The following CACNA1A variants were observed in gnomAD, a reference collection of about 807,000 sequenced individuals.
CACNA1A encodes the protein voltage-dependent P/Q-type calcium channel subunit alpha-1A.
Under a neutral mutation model 262.4 loss-of-function variants are expected in CACNA1A, and 57 were observed. The ratio of observed to expected loss-of-function variants is 0.22; its 90% CI spans 0.18 to 0.27. CACNA1A has a LOEUF of 0.27. Ranked by LOEUF, CACNA1A falls within the 10% of genes least tolerant of loss-of-function variation. CACNA1A has a pLI of 1.00. For missense variants in CACNA1A, 2,526 were observed against 3,562.8 expected, an observed-to-expected ratio of 0.71 and a Z score of 7.41; for synonymous variants, 1,431 against 1,419.3, an observed-to-expected ratio of 1.01 and a Z score of -0.18.
intron 4 of CACNA1A, chr19:13,371,421 G>A (rs1267905855): frequency 2.3e-6 from 1 of 433,692 alleles, no homozygotes; most frequent in Non-Finnish European, 4.2e-6. Flanking sequence ...TGTGAGTACT[G>A]AATGAGATCA....
rs1600079735 is a variant in CACNA1A at position 13,208,895 on chromosome 19, T to C, written c.6641A>G (p.His2214Arg). ...GGGCGGGGGATGGTGGTGGTGGTGG[T>C]GGTGGTGGTGGTGCTGTCGATGCTT... is the stretch of plus-strand genomic sequence containing the variant. The part of the protein sequence containing the change: ...DRKHRQHHHH[H>R]HHHHHPPPPD... The change falls in exon 46 of 47, where the codon CAC becomes CGC. Residue 2214 changes from histidine (H) to arginine (R), a missense_variant. This residue lies in a region of CACNA1A where 929 missense variants were observed against 868.1 expected (regional missense o/e 1.07). Transcript: ENST00000360228. 6.8e-7 allele frequency: 1 copy of C among 1,470,480 alleles called. No homozygotes were observed. The highest frequency in any genetic ancestry group is 2.0e-5 in the Admixed American group (1 of 50,250). 91.1% of individuals were successfully genotyped at this position (1,470,480 alleles called of 1,614,324 possible). A position where few individuals can be genotyped will look rare whatever the true frequency, so the allele number is the denominator to read the frequency against.
At chr19:13,270,861 C>G (rs1324106254) in intron 24 of CACNA1A, among the ~76,000 whole-genome samples, 1 of 152,208 alleles carries the variant, frequency 6.6e-6, no homozygotes, top group African/African-American at 2.4e-5. Flanking sequence ...TTCCAAAACC[C>G]TGGGAGAGTC....
intron 3 of CACNA1A, among the ~76,000 whole-genome samples, chr19:13,373,756 G>C (rs1008912566): frequency 6.6e-6 from 1 of 152,214 alleles, no homozygotes; most frequent in Non-Finnish European, 1.5e-5. Context: ...ATTACCCCTA[G>C]AGGAGAGATG....
intron 3 of CACNA1A, among the ~76,000 whole-genome samples, chr19:13,446,066 G>T (rs370694321): frequency 6.6e-6 from 1 of 151,952 alleles, no homozygotes; most frequent in Non-Finnish European, 1.5e-5. Flanking sequence ...CCTGAGGTCC[G>T]GAGTTCGAGA....
Position 13,207,622 on chromosome 19 carries a change from G to A in CACNA1A, c.7212C>T (p.Pro2404=). The A allele has an allele frequency of 2.0e-6, 3 of 1,479,878 alleles. No individual in the cohort carries two copies. Among genetic ancestry groups the A allele is most frequent in the Non-Finnish European group, 2.7e-6 (3 of 1,115,680 alleles). 91.7% of individuals were successfully genotyped at this position (1,479,878 alleles called of 1,614,324 possible). A position where few individuals can be genotyped will look rare whatever the true frequency, so the allele number is the denominator to read the frequency against. Residue 2404 remains proline (P), a synonymous_variant, in exon 47 of 47, where the codon CCC becomes CCT. Transcript: ENST00000360228. The surrounding 1 kb of genome is among the most constrained non-coding windows in gnomAD (Gnocchi z 5.7). ...GPHVSEGPPG[P]RHHGYYRGSD... is the part of the protein sequence containing the mutation. ...AGCCCCGGTAGTAGCCATGGTGCCG[G>A]GGACCCGGGGGCCCCTCGGACACGT...
intron 38 of CACNA1A, among the ~76,000 whole-genome samples, chr19:13,223,127 C>T (rs1398795539): frequency 1.3e-5 from 2 of 152,240 alleles, no homozygotes; most frequent in East Asian, 3.9e-4. Flanking sequence ...TGGCTTCAAG[C>T]AATACTCTCA....
chr19:13,506,251 T>C lies in CACNA1A; in HGVS notation c.-27A>G, dbSNP rs761508895. 215 of 1,418,028 alleles carry C rather than the reference T, an allele frequency of 1.5e-4. No homozygotes were observed. The highest frequency in any genetic ancestry group is 4.5e-5 in the Non-Finnish European group (49 of 1,098,306). 87.8% of individuals were successfully genotyped at this position (1,418,028 alleles called of 1,614,324 possible). A position where few individuals can be genotyped will look rare whatever the true frequency, so the allele number is the denominator to read the frequency against. ...CTGCAAAGAGCAAAGGGCTCCGGGT[T>C]ACGCTGCGGCGAACGATGCGGAAGA... On this transcript the variant is annotated 5_prime_UTR_variant, in exon 1 of 47. Coordinates refer to ENST00000360228, the MANE Select transcript of CACNA1A (RefSeq NM_001127222.2).
Position 13,241,264 on chromosome 19 carries a change from CT to C in CACNA1A, c.4950+3917del, listed in dbSNP as rs765494839. Among the ~76,000 whole-genome samples, 43 of 152,062 alleles carry C rather than the reference CT, an allele frequency of 2.8e-4. No individual in the cohort carries two copies. The highest frequency in any genetic ancestry group is 5.3e-4 in the Non-Finnish European group (36 of 68,026). Reference sequence around the variant, plus strand: ...GCGCTGGGAAAACCCATCCCTTTCTCTGCAAAAGACGCAAACCACCCCAAAC... The same window carrying C: ...GCGCTGGGAAAACCCATCCCTTTCTCGCAAAAGACGCAAACCACCCCAAAC... On this transcript the variant is annotated intron_variant, in intron 31 of 46. Coordinates refer to ENST00000360228, the MANE Select transcript of CACNA1A (RefSeq NM_001127222.2). The surrounding 1 kb of genome is among the most constrained non-coding windows in gnomAD (Gnocchi z 4.0).
chr19:13,237,944 C>T (rs1410310834), intron 31 of CACNA1A, among the ~76,000 whole-genome samples: 1 of 152,188 alleles, frequency 6.6e-6, no homozygotes, highest in Non-Finnish European at 1.5e-5. Context: ...GAAGCAGCCT[C>T]AGGAGGGGGG....
At chr19:13,279,289 C>T (rs1251723584) in intron 22 of CACNA1A, among the ~76,000 whole-genome samples, 1 of 152,106 alleles carries the variant, frequency 6.6e-6, no homozygotes, top group East Asian at 1.9e-4. Context: ...AATGTTATTT[C>T]CTGTGGCTCA....
chr19:13,494,494 G>A (rs757079221), intron 1 of CACNA1A, among the ~76,000 whole-genome samples: 15 of 152,162 alleles, frequency 9.9e-5, no homozygotes, highest in Non-Finnish European at 2.2e-4. Flanking sequence ...GGTCAGCAGG[G>A]CTGAGACAGA....
intron 14 of CACNA1A, 38 bp from the exon 15 acceptor site, chr19:13,307,892 C>A (rs182739384): frequency 1.3e-6 from 2 of 1,583,554 alleles, no homozygotes; most frequent in Admixed American, 3.3e-5. Context: ...TTGGCCCCAC[C>A]CGGGGTGCTC....
intron 8 of CACNA1A, chr19:13,333,975 C>T (rs2058512759): frequency 5.7e-6 from 1 of 176,140 alleles, no homozygotes; most frequent in African/African-American, 2.4e-5. Flanking sequence ...TATGTGCCTA[C>T]CGTGTATCAG....
chr19:13,231,177 ATT>A (rs71168692), intron 35 of CACNA1A, among the ~76,000 whole-genome samples: 4 of 139,114 alleles, frequency 2.9e-5, no homozygotes, highest in Non-Finnish European at 3.1e-5. Flanking sequence ...AGCTAATTCA[ATT>A]TTTTTTTTTT....
chr19:13,346,649 TATATATATATATATATA>T (rs1216536107), intron 6 of CACNA1A, among the ~76,000 whole-genome samples: 162 of 6,122 alleles, frequency 0.026, 1 homozygote, highest in East Asian at 0.041. Flanking sequence ...TATATATATA[TATATATATATATATATA>T]TTTTTTTTTT....
In CACNA1A at chr19:13,489,450, G is replaced by A. The variant is rs529267389; in HGVS notation, c.293+16482C>T. 1.1e-4 allele frequency among the ~76,000 whole-genome samples: 17 copies of A among 151,746 alleles called. No homozygotes were observed. In the East Asian group the frequency reaches 3.3e-3, roughly 30 times the overall value. On this transcript the variant is annotated intron_variant, in intron 1 of 46. Coordinates refer to ENST00000360228, the MANE Select transcript of CACNA1A (RefSeq NM_001127222.2). ...ACTACAGGCATGTGCCAACACCCTCGGCCAATTTTTGTATTTTTTTGTAGA... is the reference window on the plus strand; with the variant it reads ...ACTACAGGCATGTGCCAACACCCTCAGCCAATTTTTGTATTTTTTTGTAGA...
intron 6 of CACNA1A, among the ~76,000 whole-genome samples, chr19:13,358,428 G>A (rs190071657): frequency 3.8e-4 from 58 of 152,300 alleles, no homozygotes; most frequent in Admixed American, 1.8e-3. Context: ...ATACTAGTGT[G>A]CACCCGTGAA....
In CACNA1A at chr19:13,245,211, T is replaced by C; in HGVS notation, c.4921A>G (p.Ile1641Val). 6.2e-7 allele frequency: 1 copy of C among 1,614,002 alleles called. No individual in the cohort carries two copies. Among genetic ancestry groups the C allele is most frequent in the Non-Finnish European group, 8.5e-7 (1 of 1,179,846 alleles). ...AACTCAGTCACGAGGATATCGGTGA[T>C]GCTGCCCAGAACAGTCACAAAGTCG... Reference protein sequence around the residue: ...IFDFVTVLGSITDILVTEFGN... With the variant: ...IFDFVTVLGSVTDILVTEFGN... The change falls in exon 31 of 47, where the codon ATC becomes GTC. Residue 1641 changes from isoleucine (I) to valine (V), a missense_variant. Ile to Val is a conservative substitution (Grantham distance 29). Around this residue, in one of 17 missense-constraint regions of CACNA1A, gnomAD observed 66 missense variants for 195.8 expected, o/e 0.34. Transcript: ENST00000360228.
chr19:13,445,549 C>A (rs935763829), intron 3 of CACNA1A, among the ~76,000 whole-genome samples: 1 of 152,004 alleles, frequency 6.6e-6, no homozygotes, highest in South Asian at 2.1e-4. Flanking sequence ...ACAGTGCTAA[C>A]CCTGTGAATA....
Sources: gnomAD v4.1 joint callset for allele counts (sites outside exome capture counted in the v4.1 genomes callset) on GRCh38, gnomAD v4.1.1 for gene constraint, gnomAD v4.1.1 regional missense constraint, Gnocchi (gnomAD v3.1) non-coding constraint, MANE v1.5 for transcripts, NCBI Gene and HGNC (gene_info 2026-07-23, HGNC 2026-07-21) for gene names.